The following PEBP4 variants were observed in gnomAD, a reference collection of about 807,000 sequenced individuals.
PEBP4 encodes phosphatidylethanolamine binding protein 4.
In PEBP4, 22 loss-of-function variants were observed where a neutral mutation model predicts 23.9. The ratio of observed to expected loss-of-function variants is 0.92; its 90% CI spans 0.66 to 1.31. The LOEUF (loss-of-function observed/expected upper bound fraction) is 1.31, where lower values mean the gene tolerates loss of function less well. PEBP4 is among the 40% of genes most tolerant of loss of function. The probability of loss-of-function intolerance (pLI) is 0.00; values close to 1 mark genes in which losing one functional copy is unlikely to be tolerated. For missense variants in PEBP4, 324 were observed against 281.7 expected, an observed-to-expected ratio of 1.15 and a Z score of -1.07; for synonymous variants, 112 against 99.3, an observed-to-expected ratio of 1.13 and a Z score of -0.76.
At chr8:22,774,015 G>A (rs376370376) in intron 4 of PEBP4, among the ~76,000 whole-genome samples, 3 of 152,124 alleles carry the variant, frequency 2.0e-5, no homozygotes, top group African/African-American at 7.2e-5. Flanking sequence ...TCCAACCTCC[G>A]AGATACTCAG....
At chr8:22,912,068 G>GGCAGGTCT (rs1808949773) in intron 3 of PEBP4, among the ~76,000 whole-genome samples, 1 of 152,082 alleles carries the variant, frequency 6.6e-6, no homozygotes, top group Admixed American at 6.5e-5. Context: ...AAGCTGCTGG[G>GGCAGGTCT]GGCAGGTTCA....
chr8:22,750,630 T>A (rs1190154525), intron 4 of PEBP4, among the ~76,000 whole-genome samples: 2 of 152,166 alleles, frequency 1.3e-5, no homozygotes, highest in East Asian at 1.9e-4. Flanking sequence ...CGTGGGAGTT[T>A]GTTTTTTTTC....
At chr8:22,789,328 C>T (rs1806090336) in intron 4 of PEBP4, among the ~76,000 whole-genome samples, 1 of 152,094 alleles carries the variant, frequency 6.6e-6, no homozygotes, top group African/African-American at 2.4e-5. Flanking sequence ...GATCGTCGGG[C>T]CCAACCTCGC....
intron 4 of PEBP4, among the ~76,000 whole-genome samples, chr8:22,791,886 TC>T (rs1432185624): frequency 2.6e-5 from 4 of 151,898 alleles, no homozygotes; most frequent in Non-Finnish European, 5.9e-5. Context: ...AGACAGGGTC[TC>T]AATCTGTCTC....
At chr8:22,741,458 G>A (rs200096582) in intron 4 of PEBP4, among the ~76,000 whole-genome samples, 3 of 152,288 alleles carry the variant, frequency 2.0e-5, no homozygotes, top group East Asian at 3.9e-4. Context: ...ATGCCAATCC[G>A]GGAAGTTTGA....
At chr8:22,895,717 CCTT>C (rs1267540058) in intron 3 of PEBP4, 3 of 152,172 alleles carry the variant, frequency 2.0e-5, no homozygotes, top group Non-Finnish European at 2.9e-5. Context: ...TGTCCCCCAG[CCTT>C]CTTTTCTCTC....
intron 4 of PEBP4, among the ~76,000 whole-genome samples, chr8:22,814,430 C>G (rs909561536): frequency 2.0e-5 from 3 of 152,214 alleles, no homozygotes; most frequent in African/African-American, 7.2e-5. Context: ...AGAGCTTTAT[C>G]CTACTCCGTA....
intron 4 of PEBP4, among the ~76,000 whole-genome samples, chr8:22,735,446 G>A (rs1292464344): frequency 6.6e-6 from 1 of 152,240 alleles, no homozygotes; most frequent in Non-Finnish European, 1.5e-5. Context: ...TGAGACATGG[G>A]AAGATTTCAA....
At chr8:22,822,669 A>G (rs1018682948) in intron 3 of PEBP4, among the ~76,000 whole-genome samples, 1 of 152,116 alleles carries the variant, frequency 6.6e-6, no homozygotes, top group Admixed American at 6.5e-5. Context: ...CATATTAATA[A>G]TAGTCCTAAA....
chr8:22,782,760 G>C lies in PEBP4; in HGVS notation c.357+34877C>G, dbSNP rs561879169. Reference sequence around the variant, plus strand: ...ATCTCTGATCCTCCAGGAGGTTAAGGACCGTTTTATCAGCAGCTGGCCCAG... The same window carrying C: ...ATCTCTGATCCTCCAGGAGGTTAAGCACCGTTTTATCAGCAGCTGGCCCAG... On this transcript the variant is annotated intron_variant, in intron 4 of 6. Transcript: ENST00000256404. 3.9e-4 allele frequency among the ~76,000 whole-genome samples: 60 copies of C among 152,320 alleles called. No individual in the cohort carries two copies. In the South Asian group the frequency reaches 0.012, roughly 31 times the overall value.
At position 22,775,759 on chromosome 8, in the gene PEBP4, A is replaced by G. The variant is rs1805803368; in HGVS notation, c.357+41878T>C. ...GTGCACTCACAGGAGGCTCGAGGAG[A>G]CAGACAGAGGAAGCGAGAGAGAGGT... On this transcript the variant is annotated intron_variant, in intron 4 of 6. Transcript: ENST00000256404. The surrounding 1 kb of genome is among the most constrained non-coding windows in gnomAD (Gnocchi z 4.8). 6.6e-6 allele frequency among the ~76,000 whole-genome samples: 1 copy of G among 151,948 alleles called. No homozygotes were observed. The highest frequency in any genetic ancestry group is 1.5e-5 in the Non-Finnish European group (1 of 67,966).
chr8:22,731,472 T>G (rs1163069333), intron 4 of PEBP4, among the ~76,000 whole-genome samples: 1 of 152,242 alleles, frequency 6.6e-6, no homozygotes, highest in Non-Finnish European at 1.5e-5. Context: ...AGAATACATA[T>G]AACATACAAA....
chr8:22,865,125 G>T lies in PEBP4; in HGVS notation c.259-47390C>A, dbSNP rs1227555285. Among the ~76,000 whole-genome samples the T allele has an allele frequency of 6.6e-6, 1 of 152,144 alleles. No homozygotes were observed. Among genetic ancestry groups the T allele is most frequent in the South Asian group, 2.1e-4 (1 of 4,826 alleles). The stretch of plus-strand genomic sequence containing the variant: ...GGTGGGGGTAGACAGAAGGGCTGGG[G>T]CGGCCCGGGGAAGAACCAGTGCTGG... On this transcript the variant is annotated intron_variant, in intron 3 of 6. Transcript: ENST00000256404. This position sits in a 1 kb window ranked among gnomAD's most constrained non-coding sequence, Gnocchi z 6.9.
intron 3 of PEBP4, among the ~76,000 whole-genome samples, chr8:22,857,494 G>A (rs1027392274): frequency 3.3e-5 from 5 of 152,210 alleles, no homozygotes; most frequent in African/African-American, 1.2e-4. Flanking sequence ...AGCAGTGAGT[G>A]AGATTCACAG....
At chr8:22,916,323 G>A (rs892004722) in intron 3 of PEBP4, among the ~76,000 whole-genome samples, 4 of 152,170 alleles carry the variant, frequency 2.6e-5, no homozygotes, top group Non-Finnish European at 5.9e-5. Flanking sequence ...TTAAATGTTT[G>A]CCTCTTCATG....
At chr8:22,733,343 G>A (rs1804779345) in intron 4 of PEBP4, among the ~76,000 whole-genome samples, 3 of 152,142 alleles carry the variant, frequency 2.0e-5, no homozygotes, top group Admixed American at 2.0e-4. Context: ...CTATCCTTTG[G>A]GTGTCCCCGT....
At chr8:22,828,619 T>C (rs995364223) in intron 3 of PEBP4, among the ~76,000 whole-genome samples, 1 of 152,182 alleles carries the variant, frequency 6.6e-6, no homozygotes, top group African/African-American at 2.4e-5. Flanking sequence ...GTAGACGCCA[T>C]TGCACCCTGT....
chr8:22,741,757 C>T (rs796958278), intron 4 of PEBP4, among the ~76,000 whole-genome samples: 21 of 152,310 alleles, frequency 1.4e-4, no homozygotes, highest in African/African-American at 4.8e-4. Context: ...ACCGTCCCCC[C>T]GGCAGGCAGG....
At chr8:22,829,822 C>T (rs1318514389) in intron 3 of PEBP4, among the ~76,000 whole-genome samples, 3 of 152,184 alleles carry the variant, frequency 2.0e-5, no homozygotes, top group Non-Finnish European at 4.4e-5. Context: ...CAGGCAAAAT[C>T]CACGAAATAA....
Sources: allele counts gnomAD v4.1 joint callset (sites outside exome capture counted in the v4.1 genomes callset), GRCh38; gene constraint gnomAD v4.1.1; non-coding constraint Gnocchi (gnomAD v3.1); transcripts MANE v1.5; gene names NCBI Gene and HGNC (gene_info 2026-07-23, HGNC 2026-07-21).